The following SVIL variants were observed in gnomAD, a reference collection of about 807,000 sequenced individuals.
The protein encoded by SVIL is archvillin.
In SVIL, 101 loss-of-function variants were observed where a neutral mutation model predicts 240.4. The observed-to-expected ratio is 0.42, with a 90% CI of 0.36 to 0.50. The LOEUF (loss-of-function observed/expected upper bound fraction) is 0.50. SVIL is among the 20% of genes least tolerant of loss of function. The pLI is 0.01. For synonymous variants in SVIL, 999 were observed against 1,100.0 expected (o/e 0.91, Z 1.82); for missense variants, 2,512 against 2,818.7 (o/e 0.89, Z 2.46).
chr10:29,649,999 A>T (rs1958787660), intron 3 of SVIL, among the ~76,000 whole-genome samples: 2 of 152,100 alleles, frequency 1.3e-5, no homozygotes, highest in Non-Finnish European at 2.9e-5. Flanking sequence ...CTGCCAGGGG[A>T]TGACACAGCA....
rs759473806 is a variant in SVIL at position 29,523,649 on chromosome 10, T to C, written c.2965A>G (p.Lys989Glu). 2 of 1,614,114 alleles carry C rather than the reference T, an allele frequency of 1.2e-6. No individual in the cohort carries two copies. Among genetic ancestry groups the C allele is most frequent in the South Asian group, 1.1e-5 (1 of 91,072 alleles). ...CTGGGAACAGCATATTTAGATTCCT[T>C]ATGGCTGTCTCCTTCCCTGGCTCGG... ...LNRAREGDSH[K>E]ESKYAVPRRG... Residue 989 changes from lysine to glutamate, a missense_variant, in exon 15 of 38, where the codon AAG (lysine) becomes GAG (glutamate). Lys to Glu is a moderately conservative substitution (Grantham distance 56, BLOSUM62 1). Transcript: ENST00000355867.
chr10:29,499,329 C>A (rs1948699236), intron 17 of SVIL, 66 bp from the exon 18 acceptor site: 1 of 1,597,738 alleles, frequency 6.3e-7, no homozygotes, highest in Non-Finnish European at 8.6e-7. Context: ...CCTCAGCCTG[C>A]AGCATTTCAT....
chr10:29,548,421 A>G (rs1046635140), intron 6 of SVIL, among the ~76,000 whole-genome samples: 2 of 152,230 alleles, frequency 1.3e-5, no homozygotes, highest in Admixed American at 1.3e-4. Flanking sequence ...TTTAAGCAGG[A>G]CAGTTAAGTA....
At chr10:29,466,782 T>C (rs1018226437) in intron 33 of SVIL, among the ~76,000 whole-genome samples, 6 of 152,218 alleles carry the variant, frequency 3.9e-5, no homozygotes, top group African/African-American at 1.4e-4. Context: ...ATAGATATTA[T>C]ATATAGCATA....
At chr10:29,483,649 C>T (rs537044728) in intron 27 of SVIL, 2 of 152,224 alleles carry the variant, frequency 1.3e-5, no homozygotes, top group South Asian at 4.1e-4. Flanking sequence ...TTCTTTTTTC[C>T]TTTGCTATAC....
At chr10:29,680,912 C>T (rs1960590101) in intron 2 of SVIL, among the ~76,000 whole-genome samples, 1 of 139,254 alleles carries the variant, frequency 7.2e-6, no homozygotes, top group African/African-American at 2.6e-5. Context: ...GAGTGAGACT[C>T]CATCTCAAAA....
intron 3 of SVIL, among the ~76,000 whole-genome samples, chr10:29,643,086 T>C (rs1191874832): frequency 6.6e-6 from 1 of 152,186 alleles, no homozygotes; most frequent in East Asian, 1.9e-4. Context: ...CAGTCACAAG[T>C]TGGATCCTCA....
intron 6 of SVIL, 70 bp downstream of exon 6, chr10:29,550,527 T>C (rs1338958006): frequency 1.4e-6 from 2 of 1,454,724 alleles, no homozygotes; most frequent in Non-Finnish European, 1.8e-6. Context: ...AGCCAAACCC[T>C]ATCACACAGA....
chr10:29,710,313 T>G (rs1369322426), intron 1 of SVIL, among the ~76,000 whole-genome samples: 1 of 152,194 alleles, frequency 6.6e-6, no homozygotes, highest in African/African-American at 2.4e-5. Context: ...CTTGGCCTCC[T>G]CCCAAAGTGT....
At chr10:29,699,591 G>A (rs972420749) in intron 1 of SVIL, among the ~76,000 whole-genome samples, 2 of 152,096 alleles carry the variant, frequency 1.3e-5, no homozygotes, top group South Asian at 2.1e-4. Context: ...GGTGTGAGCC[G>A]CCATGCCCAG....
chr10:29,564,099 T>G (rs1292810544), intron 2 of SVIL, among the ~76,000 whole-genome samples: 1 of 152,040 alleles, frequency 6.6e-6, no homozygotes, highest in African/African-American at 2.4e-5. Flanking sequence ...AGCACCTGCT[T>G]TGTAATATTG....
At chr10:29,635,745 T>C (rs542508346), upstream of SVIL, among the ~76,000 whole-genome samples, 1 of 152,274 alleles carries the variant, frequency 6.6e-6, no homozygotes, top group South Asian at 2.1e-4. Context: ...ATACTTACAA[T>C]TGTAGGTCTC....
At chr10:29,655,610 A>G (rs2133022929) in intron 3 of SVIL, among the ~76,000 whole-genome samples, 1 of 152,264 alleles carries the variant, frequency 6.6e-6, no homozygotes, top group South Asian at 2.1e-4. Flanking sequence ...ACCCAGAAAA[A>G]ATACTTTACC....
At chr10:29,653,914 A>C (rs1037562714) in intron 3 of SVIL, among the ~76,000 whole-genome samples, 9 of 152,174 alleles carry the variant, frequency 5.9e-5, no homozygotes, top group African/African-American at 1.9e-4. Context: ...TATTCTATAG[A>C]ATAGAATAGA....
At chr10:29,661,541 G>C (rs552957442) in intron 2 of SVIL, among the ~76,000 whole-genome samples, 1 of 152,130 alleles carries the variant, frequency 6.6e-6, no homozygotes, top group Non-Finnish European at 1.5e-5. Context: ...TCTTCTCTCC[G>C]GGGCTCTCTT....
chr10:29,551,327 A>G, intron 5 of SVIL, 64 bp from the exon 6 acceptor site: 1 of 1,455,116 alleles, frequency 6.9e-7, no homozygotes, highest in Non-Finnish European at 9.2e-7. Context: ...TTACACACAG[A>G]ATGACACTCT....
intron 3 of SVIL, among the ~76,000 whole-genome samples, chr10:29,556,198 T>C (rs997186844): frequency 6.6e-6 from 1 of 152,146 alleles, no homozygotes; most frequent in African/African-American, 2.4e-5. Flanking sequence ...GTCTCTCTTT[T>C]TGCCTCCTCC....
At chr10:29,470,202 G>T in intron 32 of SVIL, 74 bp downstream of exon 32, 2 of 1,547,030 alleles carry the variant, frequency 1.3e-6, no homozygotes, top group Non-Finnish European at 8.9e-7. Flanking sequence ...TGGGAGTCTT[G>T]GTACCCCTGA....
Position 29,730,171 on chromosome 10 carries a change from C to T in SVIL, c.-400+5580G>A, listed in dbSNP as rs1004891433. ...CCAGCCTGGGCAACAGAGCAAGACC[C>T]TGTCTCTAAAAAAGAAAAAAGTAAA... On this transcript the variant is annotated intron_variant, in intron 1 of 35. Transcript: ENST00000375400. 2.6e-5 allele frequency among the ~76,000 whole-genome samples: 4 copies of T among 152,180 alleles called. No individual in the cohort carries two copies. In the South Asian group the frequency reaches 6.2e-4, roughly 24 times the overall value.
Sources: allele counts gnomAD v4.1 joint callset (sites outside exome capture counted in the v4.1 genomes callset), GRCh38; gene constraint gnomAD v4.1.1; transcripts MANE v1.5; gene names NCBI Gene and HGNC (gene_info 2026-07-23, HGNC 2026-07-21).